LARP4B: variants seen among roughly 807,000 people sequenced by gnomAD.
The protein encoded by LARP4B is la-related protein 4B.
A neutral mutation model predicts 89.8 loss-of-function variants in LARP4B; 12 were observed. That is an observed-to-expected ratio of 0.13 (90% CI 0.09 to 0.22). The LOEUF (loss-of-function observed/expected upper bound fraction) is 0.22. LARP4B is among the 10% of genes least tolerant of loss of function. The pLI, the probability that LARP4B is intolerant of heterozygous loss-of-function variation, is 1.00. For missense variants in LARP4B, 757 were observed against 947.7 expected, an observed-to-expected ratio of 0.80 and a Z score of 2.64; for synonymous variants, 367 against 363.3, an observed-to-expected ratio of 1.01 and a Z score of -0.12.
rs143971051 is a variant in LARP4B, at chr10:878,633, T to C, written c.141+5814A>G. Among the ~76,000 whole-genome samples, 475 of 152,214 alleles carry C rather than the reference T, an allele frequency of 3.1e-3. 2 individuals are homozygous for C. Among genetic ancestry groups the C allele is most frequent in the African/African-American group, 0.01 (430 of 41,556 alleles). On this transcript the variant is annotated intron_variant, in intron 3 of 17. Transcript: ENST00000316157. ...GTTGTACTTTTACGATCTGTGCACA[T>C]AGCTGTATGTGTTGTATTTCCACAC...
intron 5 of LARP4B, among the ~76,000 whole-genome samples, chr10:846,821 A>G (rs1216658525): frequency 6.6e-6 from 1 of 152,070 alleles, no homozygotes; most frequent in South Asian, 2.1e-4. Flanking sequence ...GCAGCCCAGG[A>G]CTGAACCCGG....
chr10:844,700 A>C (rs1833688613), intron 6 of LARP4B, among the ~76,000 whole-genome samples: 1 of 151,994 alleles, frequency 6.6e-6, no homozygotes, highest in Non-Finnish European at 1.5e-5. Context: ...CTCCAACTTC[A>C]GTGTGAGGAA....
At chr10:908,540 GGGA>G (rs140388043) in intron 1 of LARP4B, among the ~76,000 whole-genome samples, 16,823 of 152,146 alleles carry the variant, frequency 0.11, 952 homozygotes, top group Middle Eastern at 0.15. Flanking sequence ...CTCATTCTGT[GGGA>G]CCTGACACTA....
the LARP4B span, among the ~76,000 whole-genome samples, chr10:979,243 G>A: frequency 2.0e-5 from 3 of 151,976 alleles, no homozygotes; most frequent in South Asian, 2.1e-4. Context: ...CAATCCTACC[G>A]GTCTTCTCAA....
chr10:820,130 T>G (rs1832270721), intron 14 of LARP4B: 1 of 152,442 alleles, frequency 6.6e-6, no homozygotes, highest in African/African-American at 2.4e-5. Context: ...CCCATCTTTG[T>G]GGGTACTGCT....
Position 893,141 on chromosome 10 carries a change from T to C in LARP4B, c.-39-7381A>G, listed in dbSNP as rs538072099. 1.8e-3 allele frequency among the ~76,000 whole-genome samples: 277 copies of C among 151,142 alleles called. 1 individual carries two copies. The highest frequency in any genetic ancestry group is 6.3e-3 in the African/African-American group (261 of 41,150). Reference sequence around the variant, plus strand: ...GTTGGTCAGGCTGGTCTTGAAGTCCTGACCTCATGTGATCCACCCCCCTCG... The same window carrying C: ...GTTGGTCAGGCTGGTCTTGAAGTCCCGACCTCATGTGATCCACCCCCCTCG... On this transcript the variant is annotated intron_variant, in intron 1 of 17. Transcript: ENST00000316157.
At chr10:852,581 T>C (rs1432036795) in intron 5 of LARP4B, among the ~76,000 whole-genome samples, 1 of 152,162 alleles carries the variant, frequency 6.6e-6, no homozygotes, top group Non-Finnish European at 1.5e-5. Context: ...CAAACGTTTG[T>C]TCATTCTTTC....
chr10:877,533 G>C (rs1447862383), intron 3 of LARP4B, among the ~76,000 whole-genome samples: 1 of 152,200 alleles, frequency 6.6e-6, no homozygotes, highest in Non-Finnish European at 1.5e-5. Context: ...CAGATTGCCT[G>C]GGTTCAAATC....
intron 15 of LARP4B, among the ~76,000 whole-genome samples, chr10:817,264 G>C (rs1275838867): frequency 6.6e-6 from 1 of 152,222 alleles, no homozygotes; most frequent in South Asian, 2.1e-4. Flanking sequence ...GCGGCACCTC[G>C]TGGGGCAGCC....
chr10:957,294 C>A, the LARP4B span, among the ~76,000 whole-genome samples: 2 of 152,144 alleles, frequency 1.3e-5, no homozygotes, highest in Non-Finnish European at 2.9e-5. Context: ...TCCCGAGTAG[C>A]TGGGATTACA....
intron 14 of LARP4B, 131 bp downstream of exon 14, chr10:820,669 G>A (rs1832305588): frequency 1.2e-6 from 1 of 818,896 alleles, no homozygotes; most frequent in Non-Finnish European, 1.9e-6. Flanking sequence ...ATTACTTAGT[G>A]GATTTCACGT....
the LARP4B span, among the ~76,000 whole-genome samples, chr10:983,411 CAA>C: frequency 6.6e-6 from 1 of 152,206 alleles, no homozygotes; most frequent in Admixed American, 6.5e-5. Flanking sequence ...GCTGCCATAA[CAA>C]AATACCAGAC....
intron 11 of LARP4B, among the ~76,000 whole-genome samples, chr10:827,068 G>T (rs990790635): frequency 6.6e-6 from 1 of 152,154 alleles, no homozygotes; most frequent in African/African-American, 2.4e-5. Context: ...AAGGTCAGGA[G>T]ATCAAGACCA....
chr10:806,922 A>ATT (rs1831580041), downstream of LARP4B: 1 of 152,456 alleles, frequency 6.6e-6, no homozygotes, highest in Non-Finnish European at 1.5e-5. Flanking sequence ...GGGAAGAGAA[A>ATT]GGGCAGATGT....
At chr10:873,437 TA>T in intron 3 of LARP4B, 6 of 983,370 alleles carry the variant, frequency 6.1e-6, no homozygotes, top group Non-Finnish European at 7.2e-6. Context: ...ATAAACTCAA[TA>T]AAACATAACT....
chr10:834,972 G>A (rs937657722), intron 8 of LARP4B, among the ~76,000 whole-genome samples: 3 of 151,516 alleles, frequency 2.0e-5, no homozygotes, highest in African/African-American at 7.3e-5. Flanking sequence ...CCTGGGAGGT[G>A]GAGGTTGCAG....
intron 1 of LARP4B, among the ~76,000 whole-genome samples, chr10:894,728 T>C (rs918408844): frequency 6.6e-5 from 10 of 152,216 alleles, no homozygotes; most frequent in Non-Finnish European, 1.5e-4. Flanking sequence ...AATAAAGATA[T>C]ATGTCTGGAA....
At chr10:960,824 A>G in the LARP4B span, among the ~76,000 whole-genome samples, 2 of 151,186 alleles carry the variant, frequency 1.3e-5, no homozygotes, top group Non-Finnish European at 3.0e-5. Flanking sequence ...TAGAGCATTG[A>G]GGACTCCACT....
chr10:844,086 C>T (rs1288734407), intron 6 of LARP4B, among the ~76,000 whole-genome samples: 1 of 152,228 alleles, frequency 6.6e-6, no homozygotes, highest in African/African-American at 2.4e-5. Flanking sequence ...CAGTGTCCCT[C>T]GGTGAAGGCC....
Sources: gnomAD v4.1 joint callset for allele counts (sites outside exome capture counted in the v4.1 genomes callset) on GRCh38, gnomAD v4.1.1 for gene constraint, MANE v1.5 for transcripts, NCBI Gene and HGNC (gene_info 2026-07-23, HGNC 2026-07-21) for gene names.